The following EPHA4 variants were observed in gnomAD, a reference collection of about 807,000 sequenced individuals.
EPHA4 encodes ephrin type-A receptor 4.
In EPHA4, 19 loss-of-function variants were observed where a neutral mutation model predicts 108.3. That is an observed-to-expected ratio of 0.18 (90% CI 0.12 to 0.26). EPHA4 has a LOEUF of 0.26. Ranked by LOEUF, EPHA4 falls within the 10% of genes least tolerant of loss-of-function variation. The pLI, the probability that EPHA4 is intolerant of heterozygous loss-of-function variation, is 1.00. For synonymous variants in EPHA4, 449 were observed against 455.5 expected (o/e 0.99, Z 0.18); for missense variants, 917 against 1,254.0 (o/e 0.73, Z 4.06).
chr2:221,560,297 G>A (rs945266371), intron 3 of EPHA4, among the ~76,000 whole-genome samples: 1 of 152,142 alleles, frequency 6.6e-6, no homozygotes, highest in African/African-American at 2.4e-5. Flanking sequence ...TGCTGCCAGA[G>A]TTCTGAAGAC....
rs1454904193 is a variant in EPHA4 at position 221,420,318 on chromosome 2, AT to A, written c.*1053del. 1 of 152,686 alleles carries A rather than the reference AT, an allele frequency of 6.5e-6. No homozygotes were observed. Among genetic ancestry groups the A allele is most frequent in the African/African-American group, 2.4e-5 (1 of 41,464 alleles). The allele number at this position is 152,686 out of a possible 1,614,324, so 9.5% of individuals were successfully genotyped here. A position where few individuals can be genotyped will look rare whatever the true frequency, so the allele number is the denominator to read the frequency against. The stretch of plus-strand genomic sequence containing the variant: ...ATTCCTCAGTGCAACTGGAGAACAG[AT>A]GCTGAATCTTAAGTGTTTGCTGTTT... On this transcript the variant is annotated 3_prime_UTR_variant, in exon 18 of 18. Transcript: ENST00000281821.
chr2:221,467,945 G>A (rs554579251), intron 5 of EPHA4, among the ~76,000 whole-genome samples: 1 of 152,292 alleles, frequency 6.6e-6, no homozygotes, highest in South Asian at 2.1e-4. Context: ...CCACTGGAAG[G>A]CAGTTTAGAA....
Position 221,492,819 on chromosome 2 carries a change from C to T in EPHA4, c.979+8198G>A, listed in dbSNP as rs113863192. ...AGGACCATATGTTCTGAACTAAAAA[C>T]CAACTATGTAATCTGGCAGTGGAGG... is the stretch of plus-strand genomic sequence containing the variant. On this transcript the variant is annotated intron_variant, in intron 4 of 17. Transcript: ENST00000281821. Among the ~76,000 whole-genome samples, 284 of 152,332 alleles carry T rather than the reference C, an allele frequency of 1.9e-3. 1 individual carries two copies. Among genetic ancestry groups the T allele is most frequent in the African/African-American group, 6.5e-3 (269 of 41,580 alleles).
In EPHA4 at chr2:221,456,776, C is replaced by T; in HGVS notation, c.1444-4G>A. On this transcript the variant is annotated splice_region_variant and splice_polypyrimidine_tract_variant and intron_variant, in intron 6 of 17. Coordinates refer to ENST00000281821, the MANE Select transcript of EPHA4 (RefSeq NM_004438.5). ...GATAGCTTCGCTCATTCTGATCCTA[C>T]ATCATGGCAAGATAAAATTGGGGAA... 1.2e-6 allele frequency: 2 copies of T among 1,612,880 alleles called. No homozygotes were observed. Among genetic ancestry groups the T allele is most frequent in the Non-Finnish European group, 1.7e-6 (2 of 1,179,116 alleles).
At chr2:221,436,893 T>C (rs555025841) in intron 12 of EPHA4, among the ~76,000 whole-genome samples, 168 bp downstream of exon 12, 1 of 152,198 alleles carries the variant, frequency 6.6e-6, no homozygotes, top group Non-Finnish European at 1.5e-5. Flanking sequence ...TCGTTGAACA[T>C]GGATTATTTA....
intron 5 of EPHA4, among the ~76,000 whole-genome samples, chr2:221,472,587 T>C (rs1691520993): frequency 1.3e-5 from 2 of 152,150 alleles, no homozygotes; most frequent in Non-Finnish European, 1.5e-5. Context: ...AAAAAACTTA[T>C]CTGTCCCACA....
At chr2:221,468,661 G>A (rs1691390469) in intron 5 of EPHA4, among the ~76,000 whole-genome samples, 1 of 152,202 alleles carries the variant, frequency 6.6e-6, no homozygotes, top group Non-Finnish European at 1.5e-5. Flanking sequence ...GTAAATCTTT[G>A]CTGTTGCCTT....
At chr2:221,541,104 G>A (rs1030429843) in intron 3 of EPHA4, among the ~76,000 whole-genome samples, 8 of 151,944 alleles carry the variant, frequency 5.3e-5, no homozygotes, top group African/African-American at 9.7e-5. Flanking sequence ...GCACTACCAC[G>A]CATCACTAAT....
intron 9 of EPHA4, among the ~76,000 whole-genome samples, chr2:221,445,085 T>C (rs2106107938): frequency 6.6e-6 from 1 of 152,298 alleles, no homozygotes; most frequent in East Asian, 1.9e-4. Flanking sequence ...TCTGCACTAA[T>C]ATGTGAGTGA....
chr2:221,444,355 C>A (rs1412423926), intron 9 of EPHA4, among the ~76,000 whole-genome samples: 1 of 152,128 alleles, frequency 6.6e-6, no homozygotes, highest in African/African-American at 2.4e-5. Flanking sequence ...GGCCAAGAGG[C>A]AGAAGTCATT....
intron 8 of EPHA4, among the ~76,000 whole-genome samples, chr2:221,454,303 G>A (rs901944258): frequency 6.6e-6 from 1 of 151,880 alleles, no homozygotes; most frequent in Non-Finnish European, 1.5e-5. Flanking sequence ...ATAGTGGCTT[G>A]CCCAGGCCAG....
intron 3 of EPHA4, among the ~76,000 whole-genome samples, chr2:221,531,363 T>C (rs1418769604): frequency 6.6e-6 from 1 of 152,128 alleles, no homozygotes; most frequent in Non-Finnish European, 1.5e-5. Context: ...AAGCCACGCG[T>C]ACTTTTTGAG....
intron 2 of EPHA4, among the ~76,000 whole-genome samples, chr2:221,564,684 C>A (rs1306631527): frequency 6.6e-6 from 1 of 151,668 alleles, no homozygotes; most frequent in African/African-American, 2.4e-5. Flanking sequence ...GGTCCAACAA[C>A]CTCAAATTCA....
At chr2:221,514,579 C>T (rs1259060516) in intron 3 of EPHA4, among the ~76,000 whole-genome samples, 1 of 152,156 alleles carries the variant, frequency 6.6e-6, no homozygotes, top group Non-Finnish European at 1.5e-5. Context: ...ATCTTACTTA[C>T]CCTGATGACG....
At chr2:221,565,330 C>T (rs1460604533) in intron 2 of EPHA4, among the ~76,000 whole-genome samples, 1 of 152,142 alleles carries the variant, frequency 6.6e-6, no homozygotes, top group South Asian at 2.1e-4. Context: ...GTCATTATAG[C>T]TTTTAAAAAT....
At chr2:221,543,812 G>C (rs1476975428) in intron 3 of EPHA4, among the ~76,000 whole-genome samples, 1 of 152,162 alleles carries the variant, frequency 6.6e-6, no homozygotes, top group African/African-American at 2.4e-5. Context: ...ATCCAGAAAA[G>C]TCCTGGTCAC....
At chr2:221,545,554 T>C (rs1202166407) in intron 3 of EPHA4, among the ~76,000 whole-genome samples, 1 of 152,194 alleles carries the variant, frequency 6.6e-6, no homozygotes, top group Non-Finnish European at 1.5e-5. Flanking sequence ...TATTCTACTT[T>C]CAGCAAGTAT....
intron 3 of EPHA4, among the ~76,000 whole-genome samples, chr2:221,535,639 T>C (rs1273691750): frequency 6.6e-6 from 1 of 152,232 alleles, no homozygotes; most frequent in Admixed American, 6.5e-5. Flanking sequence ...TTTGTTCAAA[T>C]AAAGACAATC....
At chr2:221,513,162 A>G (rs1692880893) in intron 3 of EPHA4, among the ~76,000 whole-genome samples, 1 of 152,258 alleles carries the variant, frequency 6.6e-6, no homozygotes, top group Admixed American at 6.5e-5. Flanking sequence ...GGTATCACCC[A>G]AACTAATTTA....
Sources: allele counts gnomAD v4.1 joint callset (sites outside exome capture counted in the v4.1 genomes callset), GRCh38; gene constraint gnomAD v4.1.1; transcripts MANE v1.5; gene names NCBI Gene and HGNC (gene_info 2026-07-23, HGNC 2026-07-21).